The following ATP13A1 variants were observed in gnomAD, a reference collection of about 807,000 sequenced individuals.
The protein encoded by ATP13A1 is endoplasmic reticulum transmembrane helix translocase.
In ATP13A1, 55 loss-of-function variants were observed where a neutral mutation model predicts 134.8. The ratio of observed to expected loss-of-function variants is 0.41; its 90% CI spans 0.33 to 0.51. The LOEUF is 0.51. ATP13A1 is among the 20% of genes least tolerant of loss of function. The probability of loss-of-function intolerance (pLI) is 0.29; values close to 1 mark genes in which losing one functional copy is unlikely to be tolerated. For missense variants in ATP13A1, 1,389 were observed against 1,652.8 expected (o/e 0.84, Z 2.77); for synonymous variants, 775 against 725.1 (o/e 1.07, Z -1.10).
chr19:19,646,506 C>T (rs2061986958), intron 22 of ATP13A1, 159 bp from the exon 23 acceptor site: 2 of 874,810 alleles, frequency 2.3e-6, no homozygotes, highest in East Asian at 5.3e-5. Context: ...TCCCTGGATC[C>T]CTGCCTGCCT....
At position 19,656,466 on chromosome 19, in the gene ATP13A1, TAC is replaced by T. The variant is rs2062059069; in HGVS notation, c.1083+192_1083+193del. Among the ~76,000 whole-genome samples, 2 of 152,090 alleles carry T rather than the reference TAC, an allele frequency of 1.3e-5. No homozygotes were observed. Among genetic ancestry groups the T allele is most frequent in the South Asian group, 4.1e-4 (2 of 4,828 alleles). ...GGTCTGACATCCCAGGGCACCAATG[TAC>T]CCTGGATGCCCTTGGCTCTCTCACC... On this transcript the variant is annotated intron_variant, in intron 7 of 25. Coordinates refer to ENST00000357324, the MANE Select transcript of ATP13A1 (RefSeq NM_020410.3). This position sits in a 1 kb window ranked among gnomAD's most constrained non-coding sequence, Gnocchi z 4.6.
Position 19,646,240 on chromosome 19 carries a change from G to A in ATP13A1, c.3213C>T (p.Tyr1071=). The change falls in exon 23 of 26, where the codon TAC becomes TAT. Residue 1071 remains tyrosine, a synonymous_variant. Coordinates refer to ENST00000357324, the MANE Select transcript of ATP13A1 (RefSeq NM_020410.3). ...TCCGGGCCTGGGCCTCACGGTACAG[G>A]TAGACAAGGCTCAGGAAGTGCACAA... ...QFFVHFLSLV[Y]LYREAQARSP... 6.2e-7 allele frequency: 1 copy of A among 1,613,972 alleles called. No individual in the cohort carries two copies. Among genetic ancestry groups the A allele is most frequent in the Non-Finnish European group, 8.5e-7 (1 of 1,179,866 alleles).
At chr19:19,650,260 A>C (rs2062015582) in intron 17 of ATP13A1, 1 of 461,832 alleles carries the variant, frequency 2.2e-6, no homozygotes, top group Non-Finnish European at 3.9e-6. Flanking sequence ...AACACACAGA[A>C]GGGGGCTATT....
rs890256130 is a variant in ATP13A1, at chr19:19,656,234, C to T, written c.1084-51G>A. The T allele has an allele frequency of 1.3e-5, 20 of 1,554,374 alleles. 1 individual carries two copies. The highest frequency in any genetic ancestry group is 2.3e-4 in the Middle Eastern group (1 of 4,352). ...ATGGCCAGGCCTACCTTGCTTCCTT[C>T]TCCATCTGAGTTCCTGGACAGCTGG... On this transcript the variant is annotated intron_variant, in intron 7 of 25. Transcript: ENST00000357324. The surrounding 1 kb of genome is among the most constrained non-coding windows in gnomAD (Gnocchi z 4.6).
At chr19:19,654,287 C>T in intron 13 of ATP13A1, 143 bp from the exon 14 acceptor site, 1 of 1,060,072 alleles carries the variant, frequency 9.4e-7, no homozygotes, top group Non-Finnish European at 1.3e-6. Context: ...GGTGTTGGTC[C>T]AGAGCTGGAA....
Position 19,654,982 on chromosome 19 carries a change from A to G in ATP13A1, c.1655+137T>C, listed in dbSNP as rs554614323. ...GGCTGACACCCAGGACTTTGTGGGG[A>G]GCCCCTGGAAATGAACCCGAGGCAG... On this transcript the variant is annotated intron_variant, in intron 12 of 25. Coordinates refer to ENST00000357324, the MANE Select transcript of ATP13A1 (RefSeq NM_020410.3). 35 of 1,366,464 alleles carry G rather than the reference A, an allele frequency of 2.6e-5. 1 individual carries two copies. In the East Asian group the frequency reaches 8.8e-4, roughly 34 times the overall value. 84.6% of individuals were successfully genotyped at this position (1,366,464 alleles called of 1,614,324 possible).
chr19:19,656,144 G>A lies in ATP13A1; in HGVS notation c.1123C>T (p.Leu375Phe), dbSNP rs572737960. 1.9e-6 allele frequency: 3 copies of A among 1,613,654 alleles called. No individual in the cohort carries two copies. The highest frequency in any genetic ancestry group is 4.5e-5 in the East Asian group (2 of 44,878). Residue 375 changes from leucine to phenylalanine, a missense_variant, in exon 8 of 26, where the codon CTC becomes TTC. Coordinates refer to ENST00000357324, the MANE Select transcript of ATP13A1 (RefSeq NM_020410.3). This position sits in a 1 kb window ranked among gnomAD's most constrained non-coding sequence, Gnocchi z 4.6. Reference sequence around the variant, plus strand: ...ACGTGCAGCCGGGAATCAGCCTGGAGGTCCAGCACCCGGTCTGGGCTGAGG... The same window carrying A: ...ACGTGCAGCCGGGAATCAGCCTGGAAGTCCAGCACCCGGTCTGGGCTGAGG... Reference protein sequence around the residue: ...EDLSPDRVLDLQADSRLHVIF... With the variant: ...EDLSPDRVLDFQADSRLHVIF...
intron 22 of ATP13A1, 29 bp from the exon 23 acceptor site, chr19:19,646,376 A>G (rs1227423890): frequency 4.3e-6 from 7 of 1,612,938 alleles, no homozygotes; most frequent in Non-Finnish European, 5.9e-6. Context: ...TGGGGGAGTC[A>G]GGATCTGGCT....
In ATP13A1 at chr19:19,659,349, G is replaced by A. The variant is rs542357179; in HGVS notation, c.677+252C>T. On this transcript the variant is annotated intron_variant, in intron 3 of 25. Coordinates refer to ENST00000357324, the MANE Select transcript of ATP13A1 (RefSeq NM_020410.3). The stretch of plus-strand genomic sequence containing the variant: ...GGGGAGCCTGTATTCCCAGCTGCTT[G>A]GCAGGTTGAGGCAGGAGAATCACTT... Among the ~76,000 whole-genome samples, 5 of 152,254 alleles carry A rather than the reference G, an allele frequency of 3.3e-5. No homozygotes were observed. The South Asian group carries it at 1.0e-3, about 32-fold the overall frequency.
chr19:19,658,360 A>G (rs888437262), intron 3 of ATP13A1, among the ~76,000 whole-genome samples: 2 of 152,096 alleles, frequency 1.3e-5, no homozygotes, highest in African/African-American at 4.8e-5. Flanking sequence ...GCTATCAAAC[A>G]ATAAGCCCTT....
chr19:19,663,108 G>A (rs573579141), intron 1 of ATP13A1, 163 bp downstream of exon 1: 1 of 1,012,456 alleles, frequency 9.9e-7, no homozygotes. Flanking sequence ...TCAGCAGTGG[G>A]GTCATGATTA....
chr19:19,655,156 T>G lies in ATP13A1; in HGVS notation c.1618A>C (p.Ser540Arg), dbSNP rs376416122. The change falls in exon 12 of 26, where the codon AGT (serine) becomes CGT (arginine). Residue 540 changes from serine (S) to arginine (R), a missense_variant. This residue lies in a region of ATP13A1 where 747 missense variants were observed against 956.1 expected (regional missense o/e 0.78). Transcript: ENST00000357324. The surrounding 1 kb of genome is among the most constrained non-coding windows in gnomAD (Gnocchi z 5.7). ...CCFDKTGTLT[S>R]DSLVVRGVAG... is the part of the protein sequence containing the mutation. Reference sequence around the variant, plus strand: ...ACACCGCGCACCACCAGGCTGTCACTGGTCAACGTCCCCGTCTTGTCAAAG... The same window carrying G: ...ACACCGCGCACCACCAGGCTGTCACGGGTCAACGTCCCCGTCTTGTCAAAG... 1 of 1,613,992 alleles carries G rather than the reference T, an allele frequency of 6.2e-7. No homozygotes were observed. Among genetic ancestry groups the G allele is most frequent in the Non-Finnish European group, 8.5e-7 (1 of 1,179,896 alleles).
In ATP13A1 at chr19:19,647,881, T is replaced by TC; in HGVS notation, c.2633-123dup. On this transcript the variant is annotated intron_variant, in intron 19 of 25. Transcript: ENST00000357324. This position sits in a 1 kb window ranked among gnomAD's most constrained non-coding sequence, Gnocchi z 4.8. ...CTCCCGTGAGGACAGTTCCCAGACT[T>TC]CCCCATTTCACCTGACACCCTAAGG... 7.8e-7 allele frequency: 1 copy of TC among 1,283,174 alleles called. No homozygotes were observed. Among genetic ancestry groups the TC allele is most frequent in the Non-Finnish European group, 1.0e-6 (1 of 955,976 alleles). The allele number at this position is 1,283,174 out of a possible 1,614,324, so 79.5% of individuals were successfully genotyped here. A position where few individuals can be genotyped will look rare whatever the true frequency, so the allele number is the denominator to read the frequency against.
chr19:19,661,992 G>A lies in ATP13A1; in HGVS notation c.396+1279C>T, dbSNP rs1484093266. ...TGGCACCCAGTAGTTGTTAGTTACG[G>A]TTCTCAGTTTACAGAAGGGGGAAAC... is the stretch of plus-strand genomic sequence containing the variant. On this transcript the variant is annotated intron_variant, in intron 1 of 25. Coordinates refer to ENST00000357324, the MANE Select transcript of ATP13A1 (RefSeq NM_020410.3). 2.0e-6 allele frequency: 3 copies of A among 1,531,350 alleles called. No homozygotes were observed. In the African/African-American group the frequency reaches 4.1e-5, roughly 21 times the overall value. 94.9% of individuals were successfully genotyped at this position (1,531,350 alleles called of 1,614,324 possible). A position where few individuals can be genotyped will look rare whatever the true frequency, so the allele number is the denominator to read the frequency against.
Position 19,656,210 on chromosome 19 carries a change from T to A in ATP13A1, c.1084-27A>T. On this transcript the variant is annotated intron_variant, in intron 7 of 25. Transcript: ENST00000357324. This position sits in a 1 kb window ranked among gnomAD's most constrained non-coding sequence, Gnocchi z 4.6. Reference sequence around the variant, plus strand: ...TGGGGAGGAAGATCGTGAATCTGGATGGCCAGGCCTACCTTGCTTCCTTCT... The same window carrying A: ...TGGGGAGGAAGATCGTGAATCTGGAAGGCCAGGCCTACCTTGCTTCCTTCT... The A allele has an allele frequency of 6.3e-7, 1 of 1,580,470 alleles. No individual in the cohort carries two copies. The highest frequency in any genetic ancestry group is 1.2e-5 in the South Asian group (1 of 86,422).
At chr19:19,659,468 TAAAATA>T in intron 3 of ATP13A1, 127 bp downstream of exon 3, 1 of 477,350 alleles carries the variant, frequency 2.1e-6, no homozygotes, top group Non-Finnish European at 3.2e-6. Flanking sequence ...AAATAAAAAA[TAAAATA>T]AAAATAAAAT....
At chr19:19,649,971 G>T in intron 17 of ATP13A1, 31 bp from the exon 18 acceptor site, 2 of 1,548,220 alleles carry the variant, frequency 1.3e-6, no homozygotes, top group Non-Finnish European at 1.7e-6. Flanking sequence ...TAGGGCTGGG[G>T]GCTTGGCTGA....
At chr19:19,650,831 G>A (rs1177652815) in intron 17 of ATP13A1, 1 of 152,358 alleles carries the variant, frequency 6.6e-6, no homozygotes, top group Admixed American at 6.5e-5. Flanking sequence ...TTAGGGCCCT[G>A]TCAACACTCA....
chr19:19,646,428 CCT>C, intron 22 of ATP13A1, 81 bp from the exon 23 acceptor site: 1 of 1,533,838 alleles, frequency 6.5e-7, no homozygotes, highest in Non-Finnish European at 8.9e-7. Context: ...AGTAACATCC[CCT>C]GCCTCCCGGG....
Sources: gnomAD v4.1 joint callset for allele counts (sites outside exome capture counted in the v4.1 genomes callset) on GRCh38, gnomAD v4.1.1 for gene constraint, gnomAD v4.1.1 regional missense constraint, Gnocchi (gnomAD v3.1) non-coding constraint, MANE v1.5 for transcripts, NCBI Gene and HGNC (gene_info 2026-07-23, HGNC 2026-07-21) for gene names.